NIPBL: variants seen among roughly 807,000 people sequenced by gnomAD.
NIPBL encodes the protein nipped-B-like protein.
NIPBL carries 19 observed loss-of-function variants against 321.8 expected under a neutral mutation model. The observed-to-expected ratio is 0.06, with a 90% CI of 0.04 to 0.09. The LOEUF (loss-of-function observed/expected upper bound fraction) is 0.09, where lower values mean the gene tolerates loss of function less well. Among genes scored for constraint, NIPBL ranks in the 10% least tolerant of loss-of-function variants. The pLI is 1.00. For missense variants in NIPBL, 2,210 were observed against 3,327.0 expected (o/e 0.66, Z 8.26); for synonymous variants, 1,106 against 1,114.1 (o/e 0.99, Z 0.14).
intron 1 of NIPBL, among the ~76,000 whole-genome samples, chr5:36,946,793 C>T (rs1009319356): frequency 6.6e-6 from 1 of 152,102 alleles, no homozygotes; most frequent in African/African-American, 2.4e-5. Flanking sequence ...ATATTCTAGT[C>T]TTGGCTAGTG....
At chr5:36,989,388 G>C (rs1297403941) in intron 10 of NIPBL, among the ~76,000 whole-genome samples, 2 of 152,044 alleles carry the variant, frequency 1.3e-5, no homozygotes, top group African/African-American at 4.8e-5. Flanking sequence ...AGGGGTGGAG[G>C]GGGCAGTCAG....
At chr5:37,047,613 G>A (rs1363610360) in intron 38 of NIPBL, among the ~76,000 whole-genome samples, 4 of 152,310 alleles carry the variant, frequency 2.6e-5, no homozygotes, top group African/African-American at 9.6e-5. Flanking sequence ...AGTGTTACAA[G>A]TATTTCAGAG....
At chr5:36,959,265 A>C (rs1378832496) in intron 4 of NIPBL, among the ~76,000 whole-genome samples, 2 of 152,200 alleles carry the variant, frequency 1.3e-5, no homozygotes, top group African/African-American at 4.8e-5. Flanking sequence ...GTTTTGGTTT[A>C]CTTTGTTGGC....
intron 1 of NIPBL, chr5:36,885,929 C>T: frequency 2.7e-6 from 2 of 737,234 alleles, no homozygotes; most frequent in Non-Finnish European, 5.0e-6. Flanking sequence ...TCCCAAATCT[C>T]AGGACCTCGC....
At chr5:37,027,482 T>G in intron 32 of NIPBL, 70 bp downstream of exon 32, 1 of 1,159,026 alleles carries the variant, frequency 8.6e-7, no homozygotes, top group Non-Finnish European at 1.3e-6. Flanking sequence ...GTGTTTTTTT[T>G]TTTTTGGACT....
intron 1 of NIPBL, among the ~76,000 whole-genome samples, chr5:36,916,400 G>A (rs775655275): frequency 6.6e-6 from 1 of 152,170 alleles, no homozygotes; most frequent in Non-Finnish European, 1.5e-5. Flanking sequence ...TTTTAAATTG[G>A]ACATGTCAGG....
At chr5:36,883,556 C>A (rs1032283549) in intron 1 of NIPBL, among the ~76,000 whole-genome samples, 23 of 92,502 alleles carry the variant, frequency 2.5e-4, no homozygotes, top group Middle Eastern at 5.6e-3. Flanking sequence ...GTCTAAAACA[C>A]TAATTATTAA....
intron 16 of NIPBL, among the ~76,000 whole-genome samples, chr5:37,004,453 G>A (rs145386873): frequency 2.9e-4 from 44 of 151,568 alleles, no homozygotes; most frequent in African/African-American, 1.0e-3. Flanking sequence ...CCCCTGGGCT[G>A]GAGTGCAGTG....
At chr5:36,999,494 T>C (rs1746536335) in intron 11 of NIPBL, among the ~76,000 whole-genome samples, 1 of 152,224 alleles carries the variant, frequency 6.6e-6, no homozygotes, top group Non-Finnish European at 1.5e-5. Flanking sequence ...ACATTTCTAA[T>C]CAGTCTTTCT....
intron 10 of NIPBL, among the ~76,000 whole-genome samples, chr5:36,994,527 A>G (rs1046302831): frequency 1.3e-5 from 2 of 152,086 alleles, no homozygotes; most frequent in African/African-American, 2.4e-5. Flanking sequence ...TATCATTTGC[A>G]TGTTATAAAG....
At chr5:36,948,144 G>A (rs1409132653) in intron 1 of NIPBL, among the ~76,000 whole-genome samples, 1 of 151,626 alleles carries the variant, frequency 6.6e-6, no homozygotes, top group Non-Finnish European at 1.5e-5. Context: ...CATTCTTGTG[G>A]CCAAACTCAA....
At position 37,064,685 on chromosome 5, in the gene NIPBL, T is replaced by C; in HGVS notation, c.8208T>C (p.Ser2736=). 6.2e-7 allele frequency: 1 copy of C among 1,614,124 alleles called. No individual in the cohort carries two copies. The highest frequency in any genetic ancestry group is 1.1e-5 in the South Asian group (1 of 91,078). Reference sequence around the variant, plus strand: ...TGCAGAAAACCAGCAGTGGCTTCAGTGTTCAGTGGATGGCAGGCTCCTACA... The same window carrying C: ...TGCAGAAAACCAGCAGTGGCTTCAGCGTTCAGTGGATGGCAGGCTCCTACA... ...RVVQKTSSGF[S]VQWMAGSYSG... is the part of the protein sequence containing the mutation. The change falls in exon 47 of 47, where the codon AGT becomes AGC. Residue 2736 remains serine (S), a synonymous_variant. Coordinates refer to ENST00000282516, the MANE Select transcript of NIPBL (RefSeq NM_133433.4).
chr5:37,021,999 T>C, intron 27 of NIPBL, 52 bp from the exon 28 acceptor site: 1 of 1,360,574 alleles, frequency 7.3e-7, no homozygotes, highest in East Asian at 2.4e-5. Flanking sequence ...CTATTTTTAA[T>C]TAAATTTTAT....
chr5:37,057,540 T>C (rs553362244), intron 43 of NIPBL, among the ~76,000 whole-genome samples: 16 of 152,360 alleles, frequency 1.1e-4, no homozygotes, highest in African/African-American at 3.4e-4. Context: ...AAAATAGATA[T>C]ATGGATTGTT....
chr5:36,929,501 A>G (rs9764719), intron 1 of NIPBL, among the ~76,000 whole-genome samples: 6,362 of 152,062 alleles, frequency 0.042, 455 homozygotes, highest in African/African-American at 0.15. Flanking sequence ...CTCCCAGTCT[A>G]TGGCTTGTCT....
intron 6 of NIPBL, among the ~76,000 whole-genome samples, chr5:36,962,583 C>A (rs1207715419): frequency 6.6e-6 from 1 of 152,160 alleles, no homozygotes; most frequent in South Asian, 2.1e-4. Flanking sequence ...CTTCTTCTTA[C>A]ATTAGCACTA....
intron 1 of NIPBL, among the ~76,000 whole-genome samples, chr5:36,948,269 G>C (rs1478772512): frequency 6.6e-6 from 1 of 151,852 alleles, no homozygotes; most frequent in East Asian, 1.9e-4. Context: ...CCTCATGAAG[G>C]ACTAAATATT....
chr5:36,880,954 A>G (rs531815774), intron 1 of NIPBL, among the ~76,000 whole-genome samples: 3 of 152,046 alleles, frequency 2.0e-5, no homozygotes, highest in African/African-American at 7.2e-5. Context: ...TGACACTAGT[A>G]TTTTCTTAGA....
At chr5:37,048,983 T>G (rs1311244177) in intron 39 of NIPBL, 128 bp from the exon 40 acceptor site, 1 of 921,568 alleles carries the variant, frequency 1.1e-6, no homozygotes, top group African/African-American at 1.6e-5. Context: ...ACACACAGAT[T>G]AAGAACCATT....
Sources: allele counts gnomAD v4.1 joint callset (sites outside exome capture counted in the v4.1 genomes callset), GRCh38; gene constraint gnomAD v4.1.1; transcripts MANE v1.5; gene names NCBI Gene and HGNC (gene_info 2026-07-23, HGNC 2026-07-21).